The following AGAP5 variants were observed in gnomAD, a reference collection of about 807,000 sequenced individuals.
AGAP5 encodes ArfGAP with GTPase domain, ankyrin repeat and PH domain 5.
AGAP5 carries 8 observed loss-of-function variants against 27.7 expected under a neutral mutation model. The ratio of observed to expected loss-of-function variants is 0.29; its 90% CI spans 0.17 to 0.52. The LOEUF (loss-of-function observed/expected upper bound fraction) is 0.52, where lower values mean the gene tolerates loss of function less well. Among genes scored for constraint, AGAP5 ranks in the 20% least tolerant of loss-of-function variants. The probability of loss-of-function intolerance (pLI) is 0.97; values close to 1 mark genes in which losing one functional copy is unlikely to be tolerated. For synonymous variants in AGAP5, 111 were observed against 338.0 expected (o/e 0.33, Z 7.37); for missense variants, 285 against 880.8 (o/e 0.32, Z 8.56).
In AGAP5 at chr10:73,686,742, G is replaced by A. The variant is rs543168323; in HGVS notation, c.397-3948C>T. On this transcript the variant is annotated intron_variant, in intron 4 of 7. Transcript: ENST00000374094. ...CCCAAATGCCCATCAATCAATGAGC[G>A]GATAAAGAAACTGTGATATACATAC... 2.6e-5 allele frequency among the ~76,000 whole-genome samples: 4 copies of A among 152,142 alleles called. No homozygotes were observed. The East Asian group carries it at 5.8e-4, about 22-fold the overall frequency.
intron 1 of AGAP5, 28 bp downstream of exon 1, chr10:73,697,504 AG>A: frequency 6.2e-7 from 1 of 1,610,530 alleles, no homozygotes; most frequent in South Asian, 1.1e-5. Context: ...AGGCAAACCG[AG>A]GGTAGATGGC....
chr10:73,692,010 A>C, intron 4 of AGAP5, 33 bp downstream of exon 4: 1 of 1,438,800 alleles, frequency 7.0e-7, no homozygotes, highest in South Asian at 1.2e-5. Flanking sequence ...ATGTCAAACT[A>C]TCAATTTCTT....
intron 6 of AGAP5, among the ~76,000 whole-genome samples, chr10:73,677,415 T>TA (rs2081989421): frequency 9.5e-6 from 1 of 105,320 alleles, no homozygotes; most frequent in East Asian, 2.3e-4. Flanking sequence ...GACCAAGTTT[T>TA]ACTCTTGTTG....
At chr10:73,690,346 C>T (rs1308728000) in intron 4 of AGAP5, among the ~76,000 whole-genome samples, 2 of 152,174 alleles carry the variant, frequency 1.3e-5, no homozygotes, top group African/African-American at 4.8e-5. Context: ...GCTGTATCCA[C>T]TCAGGGTTGA....
chr10:73,697,425 G>A (rs74590177), intron 1 of AGAP5, 108 bp downstream of exon 1: 2 of 1,594,622 alleles, frequency 1.3e-6, no homozygotes, highest in South Asian at 2.2e-5. Context: ...CGGGAAAGCT[G>A]GCTACAAGCA....
intron 5 of AGAP5, chr10:73,681,961 T>C (rs972541572): frequency 1.0e-6 from 1 of 964,294 alleles, no homozygotes; most frequent in South Asian, 4.8e-5. Flanking sequence ...CCACTTTTAA[T>C]TGAAGTAAAA....
At chr10:73,688,217 C>G (rs1263344351) in intron 4 of AGAP5, among the ~76,000 whole-genome samples, 1 of 152,226 alleles carries the variant, frequency 6.6e-6, no homozygotes, top group African/African-American at 2.4e-5. Context: ...TGCGCTAACT[C>G]TGCTTTTACT....
intron 3 of AGAP5, among the ~76,000 whole-genome samples, chr10:73,693,425 C>T (rs567188066): frequency 6.6e-5 from 10 of 152,138 alleles, no homozygotes; most frequent in Admixed American, 3.3e-4. Flanking sequence ...TGGCCAGGTG[C>T]GGTGGCTGAA....
chr10:73,694,864 T>C, intron 2 of AGAP5, 60 bp from the exon 3 acceptor site: 1 of 1,596,952 alleles, frequency 6.3e-7, no homozygotes, highest in South Asian at 1.1e-5. Flanking sequence ...ATTTATCAAC[T>C]CGTTTATTCA....
chr10:73,695,236 A>T (rs1188119804), intron 2 of AGAP5, among the ~76,000 whole-genome samples: 2 of 152,166 alleles, frequency 1.3e-5, no homozygotes, highest in Non-Finnish European at 2.9e-5. Flanking sequence ...TTAAAAAGTA[A>T]ATTCATCATA....
At chr10:73,695,761 A>T (rs1458141612) in intron 2 of AGAP5, among the ~76,000 whole-genome samples, 2 of 152,284 alleles carry the variant, frequency 1.3e-5, no homozygotes, top group Admixed American at 1.3e-4. Flanking sequence ...TTTCCTCTAC[A>T]GTAATGAAAT....
rs767228380 is a variant in AGAP5, at chr10:73,682,794, C to T, written c.397G>A (p.Val133Ile). ...TGTTGACTGAAACGCTCAGTAGATA[C>T]CTGAAGGGGAAGGGAAGTGTAAGTC... ...EIRRSNCTNH[V>I]STERFSQQYS... Residue 133 changes from valine to isoleucine, a missense_variant and splice_region_variant, in exon 5 of 8, where the codon GTA becomes ATA. By Grantham distance (29) the Val-to-Ile change is conservative. Coordinates refer to ENST00000374094, the MANE Select transcript of AGAP5 (RefSeq NM_001144000.4). 8.1e-6 allele frequency: 13 copies of T among 1,611,730 alleles called. No individual in the cohort carries two copies. Among genetic ancestry groups the T allele is most frequent in the Middle Eastern group, 1.7e-4 (1 of 5,976 alleles).
intron 6 of AGAP5, among the ~76,000 whole-genome samples, chr10:73,677,758 C>A (rs2132440429): frequency 6.6e-6 from 1 of 152,058 alleles, no homozygotes; most frequent in African/African-American, 2.4e-5. Flanking sequence ...GAAAGTAATA[C>A]AAAGTCATTG....
chr10:73,687,004 A>G (rs1240709258), intron 4 of AGAP5, among the ~76,000 whole-genome samples: 1 of 152,038 alleles, frequency 6.6e-6, no homozygotes, highest in East Asian at 1.9e-4. Flanking sequence ...GAGGGATAAA[A>G]GACTACAAAT....
chr10:73,697,872 G>A lies in AGAP5; in HGVS notation c.-117C>T, dbSNP rs537080291. On this transcript the variant is annotated 5_prime_UTR_variant, in exon 1 of 8. Transcript: ENST00000374094. Reference sequence around the variant, plus strand: ...TGCAGAGATGGTCTTCCCGCTCCTCGCCTGCCCACCTCACAGCGCGGCCCC... The same window carrying A: ...TGCAGAGATGGTCTTCCCGCTCCTCACCTGCCCACCTCACAGCGCGGCCCC... The A allele has an allele frequency of 1.4e-4, 222 of 1,545,658 alleles. No individual in the cohort carries two copies. Among genetic ancestry groups the A allele is most frequent in the Middle Eastern group, 2.3e-4 (1 of 4,374 alleles).
intron 4 of AGAP5, among the ~76,000 whole-genome samples, chr10:73,690,151 T>G (rs866733541): frequency 6.6e-6 from 1 of 152,214 alleles, no homozygotes; most frequent in Non-Finnish European, 1.5e-5. Context: ...CAATGGCGGT[T>G]TTGTGGAATA....
rs2082176523 is a variant in AGAP5 at position 73,697,887 on chromosome 10, AGCGCG to A, written c.-137_-133del. 6.5e-7 allele frequency: 1 copy of A among 1,538,592 alleles called. No individual in the cohort carries two copies. Among genetic ancestry groups the A allele is most frequent in the African/African-American group, 1.4e-5 (1 of 73,362 alleles). On this transcript the variant is annotated 5_prime_UTR_variant, in exon 1 of 8. An upstream open reading frame in the 5' UTR loses its in-frame stop. Coordinates refer to ENST00000374094, the MANE Select transcript of AGAP5 (RefSeq NM_001144000.4). ...CCCGCTCCTCGCCTGCCCACCTCAC[AGCGCG>A]GCCCCGGGCACCATCCCTGGCCCCG...
At chr10:73,689,165 T>G (rs576482393) in intron 4 of AGAP5, among the ~76,000 whole-genome samples, 14 of 152,378 alleles carry the variant, frequency 9.2e-5, no homozygotes, top group African/African-American at 3.4e-4. Flanking sequence ...GTTCGTATTT[T>G]TTTGGTGGAG....
intron 4 of AGAP5, among the ~76,000 whole-genome samples, chr10:73,687,812 A>G (rs539158424): frequency 6.6e-6 from 1 of 152,340 alleles, no homozygotes; most frequent in African/African-American, 2.4e-5. Flanking sequence ...ACCCATGACC[A>G]GCACAGAAGG....
Sources: allele counts gnomAD v4.1 joint callset (sites outside exome capture counted in the v4.1 genomes callset), GRCh38; gene constraint gnomAD v4.1.1; transcripts MANE v1.5; gene names NCBI Gene and HGNC (gene_info 2026-07-23, HGNC 2026-07-21).